Variants in RILPL1 observed in about 807,000 individuals in gnomAD.
RILPL1 encodes RILP-like protein 1.
RILPL1 carries 33 observed loss-of-function variants against 50.3 expected under a neutral mutation model. The observed-to-expected ratio is 0.66, with a 90% CI of 0.50 to 0.88. The LOEUF (loss-of-function observed/expected upper bound fraction) is 0.88, where lower values mean the gene tolerates loss of function less well. RILPL1 is among the 40% of genes least tolerant of loss of function. RILPL1 has a pLI of 0.00. For missense variants in RILPL1, 418 were observed against 542.5 expected (o/e 0.77, Z 2.28); for synonymous variants, 205 against 228.6 (o/e 0.90, Z 0.93).
At chr12:123,506,606 C>T (rs543966974) in intron 2 of RILPL1, among the ~76,000 whole-genome samples, 76 of 152,232 alleles carry the variant, frequency 5.0e-4, no homozygotes, top group African/African-American at 1.5e-3. Flanking sequence ...TGGGAGGCCC[C>T]GGAGAGCGGT....
At chr12:123,518,592 A>G (rs1188904011) in intron 2 of RILPL1, among the ~76,000 whole-genome samples, 1 of 152,130 alleles carries the variant, frequency 6.6e-6, no homozygotes, top group African/African-American at 2.4e-5. Context: ...ATGAATATAT[A>G]CACATATACA....
intron 2 of RILPL1, among the ~76,000 whole-genome samples, chr12:123,511,367 C>G (rs1442245677): frequency 8.0e-4 from 52 of 64,988 alleles, no homozygotes; most frequent in East Asian, 1.3e-3. Flanking sequence ...TGTGTGGTGT[C>G]TGTGTGAGGT....
intron 2 of RILPL1, among the ~76,000 whole-genome samples, chr12:123,503,015 G>A (rs1883496221): frequency 6.6e-6 from 1 of 151,352 alleles, no homozygotes; most frequent in Admixed American, 6.6e-5. Context: ...AGCCTCCCAA[G>A]TAGCTGGGAC....
At chr12:123,510,783 GGTATA>G (rs1290146576) in intron 2 of RILPL1, among the ~76,000 whole-genome samples, 1 of 100,222 alleles carries the variant, frequency 1.0e-5, no homozygotes, top group Non-Finnish European at 2.1e-5. Context: ...GTGTGTGTGT[GGTATA>G]TGTGTGTGAT....
chr12:123,532,049 G>C (rs1885456606), intron 1 of RILPL1, among the ~76,000 whole-genome samples: 1 of 152,142 alleles, frequency 6.6e-6, no homozygotes. Flanking sequence ...TCAGGTAAAG[G>C]GTTCAGACCC....
In RILPL1 at chr12:123,498,423, A is replaced by C. The variant is rs576737381; in HGVS notation, c.801+121T>G. The stretch of plus-strand genomic sequence containing the variant: ...GTTTGTAGAGAATTGGGGTCTTGCT[A>C]TGTTGCCCAGGTTGGCCATTTTCTG... On this transcript the variant is annotated intron_variant, in intron 4 of 6. Coordinates refer to ENST00000376874, the MANE Select transcript of RILPL1 (RefSeq NM_178314.5). The surrounding 1 kb of genome is among the most constrained non-coding windows in gnomAD (Gnocchi z 4.3). The C allele has an allele frequency of 1.2e-5, 10 of 804,230 alleles. No homozygotes were observed. The highest frequency in any genetic ancestry group is 2.0e-5 in the Non-Finnish European group (10 of 495,728). 49.8% of individuals were successfully genotyped at this position (804,230 alleles called of 1,614,324 possible). A position where few individuals can be genotyped will look rare whatever the true frequency, so the allele number is the denominator to read the frequency against.
In RILPL1 at chr12:123,485,893, C is replaced by G. The variant is rs1054891328; in HGVS notation, c.802-88G>C. ...TCCTGAAGGAGCCCAAATTCTCCCC[C>G]TCCCGGGGTGCCAGCAGCCTGTGGA... is the stretch of plus-strand genomic sequence containing the variant. On this transcript the variant is annotated intron_variant, in intron 4 of 6. Transcript: ENST00000376874. The surrounding 1 kb of genome is among the most constrained non-coding windows in gnomAD (Gnocchi z 4.0). 10 of 1,367,646 alleles carry G rather than the reference C, an allele frequency of 7.3e-6. No individual in the cohort carries two copies. The highest frequency in any genetic ancestry group is 9.7e-6 in the Non-Finnish European group (10 of 1,031,032). 84.7% of individuals were successfully genotyped at this position (1,367,646 alleles called of 1,614,324 possible).
At chr12:123,531,483 G>A (rs532488407) in intron 1 of RILPL1, among the ~76,000 whole-genome samples, 7 of 152,128 alleles carry the variant, frequency 4.6e-5, no homozygotes, top group Admixed American at 2.0e-4. Flanking sequence ...GGCGCCACAC[G>A]AGAGAATTTC....
In RILPL1 at chr12:123,485,238, G is replaced by A; in HGVS notation, c.974+395C>T. 1 of 460,438 alleles carries A rather than the reference G, an allele frequency of 2.2e-6. No homozygotes were observed. Among genetic ancestry groups the A allele is most frequent in the Non-Finnish European group, 4.3e-6 (1 of 229,970 alleles). 28.5% of individuals were successfully genotyped at this position (460,438 alleles called of 1,614,324 possible). ...CATGTGGAAACCTACAATAAAGCAA[G>A]CATGAGAGTGAACAGGATAATGTAG... On this transcript the variant is annotated intron_variant, in intron 5 of 6. Transcript: ENST00000376874. The surrounding 1 kb of genome is among the most constrained non-coding windows in gnomAD (Gnocchi z 4.0).
At chr12:123,532,633 T>C (rs1885472834) in intron 1 of RILPL1, among the ~76,000 whole-genome samples, 1 of 139,600 alleles carries the variant, frequency 7.2e-6, no homozygotes, top group Non-Finnish European at 1.5e-5. Context: ...AAGTTGCAAA[T>C]ATGAACCCGA....
intron 6 of RILPL1, among the ~76,000 whole-genome samples, chr12:123,477,337 C>CTTTTTTTTTTTTTTT (rs371346379): frequency 9.5e-6 from 1 of 105,374 alleles, no homozygotes; most frequent in Non-Finnish European, 2.0e-5. Flanking sequence ...TTCTTTCTTT[C>CTTTTTTTTTTTTTTT]TTTTTTTTTT....
intron 2 of RILPL1, among the ~76,000 whole-genome samples, chr12:123,511,009 T>A (rs1242978443): frequency 2.7e-5 from 4 of 146,696 alleles, no homozygotes; most frequent in African/African-American, 5.1e-5. Flanking sequence ...GTGTGGTGTG[T>A]GCAGTGTGAG....
chr12:123,523,529 G>T lies in RILPL1; in HGVS notation c.426C>A (p.Val142=), dbSNP rs897618627. 1 of 1,614,014 alleles carries T rather than the reference G, an allele frequency of 6.2e-7. No homozygotes were observed. The highest frequency in any genetic ancestry group is 1.3e-5 in the African/African-American group (1 of 75,070). Residue 142 remains valine, a synonymous_variant, in exon 2 of 7, where the codon GTC becomes GTA. Coordinates refer to ENST00000376874, the MANE Select transcript of RILPL1 (RefSeq NM_178314.5). ...TCTGGAACTCCTCCTCTGAGAAATT[G>T]ACATCCTTGTGGGAGAGGTTGGTCA... ...QLMTNLSHKD[V]NFSEEEFQKH... is the part of the protein sequence containing the mutation.
In RILPL1 at chr12:123,485,551, G is replaced by T; in HGVS notation, c.974+82C>A. On this transcript the variant is annotated intron_variant, in intron 5 of 6. Transcript: ENST00000376874. This position sits in a 1 kb window ranked among gnomAD's most constrained non-coding sequence, Gnocchi z 4.0. The stretch of plus-strand genomic sequence containing the variant: ...ACTGATGAAATGCTTGTCTTCCAGG[G>T]GGTAAGAAGGTAACTGTACAGAAAC... 7.7e-7 allele frequency: 1 copy of T among 1,298,128 alleles called. No homozygotes were observed. Among genetic ancestry groups the T allele is most frequent in the Non-Finnish European group, 1.1e-6 (1 of 927,276 alleles). The allele number at this position is 1,298,128 out of a possible 1,614,324, so 80.4% of individuals were successfully genotyped here. A position where few individuals can be genotyped will look rare whatever the true frequency, so the allele number is the denominator to read the frequency against.
At chr12:123,518,659 A>G (rs1185472589) in intron 2 of RILPL1, among the ~76,000 whole-genome samples, 2 of 152,178 alleles carry the variant, frequency 1.3e-5, no homozygotes, top group East Asian at 3.8e-4. Context: ...AAAAAAATGC[A>G]AAATATCTCA....
At chr12:123,520,975 C>A (rs142673989) in intron 2 of RILPL1, among the ~76,000 whole-genome samples, 233 of 152,338 alleles carry the variant, frequency 1.5e-3, no homozygotes, top group Middle Eastern at 3.4e-3. Context: ...CAGAAGCCTT[C>A]CTTCAGGGAG....
rs1338219695 is a variant in RILPL1, at chr12:123,472,674, A to C, written c.1076T>G (p.Phe359Cys). The change falls in exon 7 of 7, where the codon TTC becomes TGC. Residue 359 changes from phenylalanine to cysteine, a missense_variant. By Grantham distance (205) the Phe-to-Cys change is radical. Coordinates refer to ENST00000376874, the MANE Select transcript of RILPL1 (RefSeq NM_178314.5). ...CAGGCGCTTCTTATCTCGGGAGAAGAAGCTAAACCTTTGGAAGGGAAAGCA... is the reference window on the plus strand; with the variant it reads ...CAGGCGCTTCTTATCTCGGGAGAAGCAGCTAAACCTTTGGAAGGGAAAGCA... ...PESGIKRLFS[F>C]FSRDKKRLAN... 6.9e-6 allele frequency: 11 copies of C among 1,597,740 alleles called. No individual in the cohort carries two copies. In the Admixed American group the frequency reaches 1.0e-4, roughly 15 times the overall value.
At chr12:123,527,738 C>G (rs759965018) in intron 1 of RILPL1, among the ~76,000 whole-genome samples, 30 of 152,072 alleles carry the variant, frequency 2.0e-4, no homozygotes, top group Admixed American at 3.3e-4. Context: ...GATGTCATGC[C>G]AGGGTCTTCG....
intron 2 of RILPL1, among the ~76,000 whole-genome samples, chr12:123,520,552 C>G (rs1884963812): frequency 6.6e-6 from 1 of 152,186 alleles, no homozygotes. Context: ...GAGTGAGACT[C>G]CGTCTCAAAA....
Sources: allele counts gnomAD v4.1 joint callset (sites outside exome capture counted in the v4.1 genomes callset), GRCh38; gene constraint gnomAD v4.1.1; non-coding constraint Gnocchi (gnomAD v3.1); transcripts MANE v1.5; gene names NCBI Gene and HGNC (gene_info 2026-07-23, HGNC 2026-07-21).